EBF2: variants seen among roughly 807,000 people sequenced by gnomAD.
The protein encoded by EBF2 is EBF transcription factor 2.
A neutral mutation model predicts 72.8 loss-of-function variants in EBF2; 21 were observed. The ratio of observed to expected loss-of-function variants is 0.29; its 90% CI spans 0.20 to 0.42. The LOEUF (loss-of-function observed/expected upper bound fraction) is 0.42, where lower values mean the gene tolerates loss of function less well. Ranked by LOEUF, EBF2 falls within the 10% of genes least tolerant of loss-of-function variation. EBF2 has a pLI of 1.00. For missense variants in EBF2, 637 were observed against 731.2 expected (o/e 0.87, Z 1.49); for synonymous variants, 299 against 274.2 (o/e 1.09, Z -0.89).
At chr8:26,011,331 C>T (rs757371771) in intron 6 of EBF2, among the ~76,000 whole-genome samples, 14 of 152,178 alleles carry the variant, frequency 9.2e-5, no homozygotes, top group Non-Finnish European at 2.1e-4. Context: ...TAGCAGCGAC[C>T]AATCATTTTC....
intron 6 of EBF2, among the ~76,000 whole-genome samples, chr8:25,979,940 G>A (rs979801420): frequency 2.0e-5 from 3 of 152,030 alleles, no homozygotes; most frequent in Admixed American, 6.6e-5. Flanking sequence ...GAAGGAAATT[G>A]TGGTTAAATC....
chr8:25,864,674 TTC>T (rs1274559022), intron 10 of EBF2, among the ~76,000 whole-genome samples: 14 of 152,236 alleles, frequency 9.2e-5, no homozygotes, highest in Non-Finnish European at 1.9e-4. Flanking sequence ...TATACATATA[TTC>T]TGTTTTATTG....
intron 6 of EBF2, among the ~76,000 whole-genome samples, chr8:26,018,687 G>A (rs1347037251): frequency 6.6e-6 from 1 of 151,558 alleles, no homozygotes; most frequent in Non-Finnish European, 1.5e-5. Context: ...AAAGAAGTGA[G>A]AGAGAAACAA....
At chr8:26,032,432 G>T (rs868630311) in intron 6 of EBF2, 1 of 151,952 alleles carries the variant, frequency 6.6e-6, no homozygotes, top group African/African-American at 2.4e-5. Flanking sequence ...GGAATATGGG[G>T]TTTCTTAAAA....
At chr8:25,938,371 C>T (rs1585201640) in intron 6 of EBF2, among the ~76,000 whole-genome samples, 1 of 144,348 alleles carries the variant, frequency 6.9e-6, no homozygotes, top group African/African-American at 2.6e-5. Context: ...TCCTCTCTTA[C>T]TTTGAAAAAA....
intron 7 of EBF2, among the ~76,000 whole-genome samples, chr8:25,897,222 T>A (rs12678659): frequency 0.52 from 77,962 of 151,340 alleles, 20,569 homozygotes; most frequent in East Asian, 0.83. Context: ...TCTTTTTTTT[T>A]AAAAAAAAAT....
intron 6 of EBF2, among the ~76,000 whole-genome samples, chr8:25,934,440 A>G (rs1463931134): frequency 6.6e-6 from 1 of 152,140 alleles, no homozygotes; most frequent in East Asian, 1.9e-4. Flanking sequence ...ATTCTGAAAC[A>G]CTGCAGGAAG....
intron 6 of EBF2, among the ~76,000 whole-genome samples, chr8:25,996,191 A>G (rs1585220415): frequency 6.6e-6 from 1 of 151,738 alleles, no homozygotes; most frequent in East Asian, 2.0e-4. Flanking sequence ...TCTACTGGGA[A>G]GGCTGCAGTG....
chr8:26,001,796 G>A (rs994377606), intron 6 of EBF2, among the ~76,000 whole-genome samples: 10 of 151,996 alleles, frequency 6.6e-5, no homozygotes, highest in African/African-American at 2.2e-4. Flanking sequence ...TGATCTGCCC[G>A]CCTCGGCCTC....
At chr8:25,891,735 G>C (rs1018055346) in intron 7 of EBF2, among the ~76,000 whole-genome samples, 5 of 151,964 alleles carry the variant, frequency 3.3e-5, no homozygotes, top group Admixed American at 2.0e-4. Context: ...CTGCCACCAT[G>C]CTCAGCTAAT....
At chr8:26,005,553 T>TAGAGAGAG (rs1381800595) in intron 6 of EBF2, among the ~76,000 whole-genome samples, 2 of 25,166 alleles carry the variant, frequency 7.9e-5, no homozygotes, top group Non-Finnish European at 6.9e-5. Flanking sequence ...TATATATATA[T>TAGAGAGAG]ATATATATAG....
At chr8:26,004,778 T>TA (rs1438437266) in intron 6 of EBF2, among the ~76,000 whole-genome samples, 1 of 151,092 alleles carries the variant, frequency 6.6e-6, no homozygotes, top group African/African-American at 2.4e-5. Context: ...TCATATCATT[T>TA]AAAAAAAATA....
At chr8:25,887,031 T>C in intron 9 of EBF2, 150 bp from the exon 10 acceptor site, 1 of 717,806 alleles carries the variant, frequency 1.4e-6, no homozygotes, top group South Asian at 2.7e-5. Context: ...CCAAATGCAC[T>C]CTGAACATCC....
At chr8:25,862,452 A>G (rs953242936) in intron 11 of EBF2, among the ~76,000 whole-genome samples, 1 of 152,204 alleles carries the variant, frequency 6.6e-6, no homozygotes, top group African/African-American at 2.4e-5. Context: ...ATTTTCATAA[A>G]GTTGGCCATG....
chr8:26,044,645 A>T lies in EBF2; in HGVS notation c.131+84T>A. 1.3e-6 allele frequency: 2 copies of T among 1,529,638 alleles called. No homozygotes were observed. The highest frequency in any genetic ancestry group is 1.8e-6 in the Non-Finnish European group (2 of 1,135,694). The allele number at this position is 1,529,638 out of a possible 1,614,324, so 94.8% of individuals were successfully genotyped here. A position where few individuals can be genotyped will look rare whatever the true frequency, so the allele number is the denominator to read the frequency against. ...TGGGGGGACAGGGAGAGAGAAAGGCACGGGGTGCGCGGGGGGGGTGCACAC... is the reference window on the plus strand; with the variant it reads ...TGGGGGGACAGGGAGAGAGAAAGGCTCGGGGTGCGCGGGGGGGGTGCACAC... On this transcript the variant is annotated intron_variant, in intron 1 of 15. Transcript: ENST00000520164. This position sits in a 1 kb window ranked among gnomAD's most constrained non-coding sequence, Gnocchi z 4.1.
chr8:25,850,557 G>C, intron 15 of EBF2, 37 bp downstream of exon 15: 2 of 1,505,072 alleles, frequency 1.3e-6, no homozygotes, highest in Non-Finnish European at 1.8e-6. Flanking sequence ...CAACCCTATG[G>C]TACATTGTGT....
intron 10 of EBF2, among the ~76,000 whole-genome samples, chr8:25,884,736 T>C (rs542357387): frequency 2.6e-5 from 4 of 152,258 alleles, no homozygotes; most frequent in African/African-American, 9.6e-5. Flanking sequence ...ACTTTTTTAT[T>C]GTGACTGCAA....
chr8:25,913,701 A>T (rs575857415), intron 6 of EBF2, among the ~76,000 whole-genome samples: 28 of 152,290 alleles, frequency 1.8e-4, no homozygotes, highest in African/African-American at 6.5e-4. Flanking sequence ...GGGATGCTGT[A>T]TCTGGTTCTC....
intron 6 of EBF2, among the ~76,000 whole-genome samples, chr8:25,945,096 C>CT (rs1554572370): frequency 4.8e-5 from 7 of 145,758 alleles, no homozygotes; most frequent in African/African-American, 1.8e-4. Flanking sequence ...TTGCCCCCCC[C>CT]GCCCCACCCC....
Sources: gnomAD v4.1 joint callset for allele counts (sites outside exome capture counted in the v4.1 genomes callset) on GRCh38, gnomAD v4.1.1 for gene constraint, Gnocchi (gnomAD v3.1) non-coding constraint, MANE v1.5 for transcripts, NCBI Gene and HGNC (gene_info 2026-07-23, HGNC 2026-07-21) for gene names.